ANKFN1: variants seen among roughly 807,000 people sequenced by gnomAD.
The protein encoded by ANKFN1 is ankyrin repeat and fibronectin type III domain containing 1.
In ANKFN1, 74 loss-of-function variants were observed where a neutral mutation model predicts 108.7. The observed-to-expected ratio is 0.68, with a 90% CI of 0.56 to 0.83. The LOEUF (loss-of-function observed/expected upper bound fraction) is 0.83, where lower values mean the gene tolerates loss of function less well. ANKFN1 is among the 40% of genes least tolerant of loss of function. The pLI is 0.00. For synonymous variants in ANKFN1, 547 were observed against 516.2 expected (o/e 1.06, Z -0.81); for missense variants, 1,505 against 1,382.3 (o/e 1.09, Z -1.41).
chr17:56,408,548 T>C (rs2047991711), intron 8 of ANKFN1, among the ~76,000 whole-genome samples: 1 of 152,218 alleles, frequency 6.6e-6, no homozygotes, highest in Non-Finnish European at 1.5e-5. Flanking sequence ...ATCAGATTCT[T>C]CATTCTCAAA....
At chr17:56,329,454 A>G (rs2045604548) in intron 4 of ANKFN1, among the ~76,000 whole-genome samples, 1 of 152,076 alleles carries the variant, frequency 6.6e-6, no homozygotes. Context: ...CCATTTTCCC[A>G]CAACCTCTTA....
chr17:56,097,119 C>T (rs1310901608), intron 4 of ANKFN1, among the ~76,000 whole-genome samples: 2 of 152,038 alleles, frequency 1.3e-5, no homozygotes, highest in African/African-American at 2.4e-5. Context: ...GGGTGAACAT[C>T]AAAAAACTAT....
chr17:56,078,184 A>G (rs1404241460), intron 4 of ANKFN1, among the ~76,000 whole-genome samples: 1 of 150,790 alleles, frequency 6.6e-6, no homozygotes, highest in Non-Finnish European at 1.5e-5. Flanking sequence ...CTTCATGCAT[A>G]TGTGATTTGA....
chr17:56,176,885 G>C (rs1373681884), intron 1 of ANKFN1, among the ~76,000 whole-genome samples: 3 of 152,148 alleles, frequency 2.0e-5, no homozygotes, highest in Admixed American at 6.5e-5. Flanking sequence ...CCTATCATTG[G>C]GAGTATGGAG....
intron 4 of ANKFN1, among the ~76,000 whole-genome samples, chr17:56,067,662 T>C (rs962436764): frequency 1.3e-5 from 2 of 152,256 alleles, no homozygotes; most frequent in Non-Finnish European, 2.9e-5. Context: ...TCTTCCTTAA[T>C]GCATAAGTAG....
chr17:56,278,450 G>A (rs545211698), intron 3 of ANKFN1, among the ~76,000 whole-genome samples: 28 of 152,270 alleles, frequency 1.8e-4, no homozygotes, highest in African/African-American at 6.7e-4. Context: ...ATATCTCTTT[G>A]AAGTCTCATT....
In ANKFN1 at chr17:56,516,869, A is replaced by G. The variant is rs930746689; in HGVS notation, c.*5600A>G. On this transcript the variant is annotated 3_prime_UTR_variant, in exon 21 of 21. Coordinates refer to ENST00000682825, the MANE Select transcript of ANKFN1 (RefSeq NM_001370326.1). Reference sequence around the variant, plus strand: ...TTAATTATACTTTATGTCTTACCTAATATTGTTGATATCTAAGTCAAGCAT... The same window carrying G: ...TTAATTATACTTTATGTCTTACCTAGTATTGTTGATATCTAAGTCAAGCAT... Among the ~76,000 whole-genome samples, 4 of 152,198 alleles carry G rather than the reference A, an allele frequency of 2.6e-5. No individual in the cohort carries two copies. Among genetic ancestry groups the G allele is most frequent in the Non-Finnish European group, 4.4e-5 (3 of 68,026 alleles).
At position 56,514,713 on chromosome 17, in the gene ANKFN1, C is replaced by T. The variant is rs1017222786; in HGVS notation, c.*3444C>T. ...GTTTCATTTGGTTTGAAAATTGAAG[C>T]AAGTTAGTAATAATATTTCGCCAGT... On this transcript the variant is annotated 3_prime_UTR_variant, in exon 21 of 21. Coordinates refer to ENST00000682825, the MANE Select transcript of ANKFN1 (RefSeq NM_001370326.1). Among the ~76,000 whole-genome samples the T allele has an allele frequency of 6.6e-6, 1 of 152,104 alleles. No individual in the cohort carries two copies. The highest frequency in any genetic ancestry group is 6.5e-5 in the Admixed American group (1 of 15,274).
At chr17:56,370,091 C>T (rs2046769674) in intron 6 of ANKFN1, among the ~76,000 whole-genome samples, 2 of 152,040 alleles carry the variant, frequency 1.3e-5, no homozygotes. Flanking sequence ...CATTGCACCC[C>T]CTACTTCACC....
At chr17:56,140,462 G>A (rs947050632) in intron 4 of ANKFN1, among the ~76,000 whole-genome samples, 3 of 152,038 alleles carry the variant, frequency 2.0e-5, no homozygotes, top group African/African-American at 7.3e-5. Flanking sequence ...TCTCACTAGT[G>A]GCCTGCCATC....
chr17:56,105,141 C>G (rs533124318), intron 4 of ANKFN1, among the ~76,000 whole-genome samples: 3 of 152,210 alleles, frequency 2.0e-5, no homozygotes, highest in East Asian at 3.9e-4. Flanking sequence ...GGTAGATGAA[C>G]CTGGGTAGCA....
At chr17:56,262,405 G>C (rs982850302) in intron 3 of ANKFN1, among the ~76,000 whole-genome samples, 7 of 152,188 alleles carry the variant, frequency 4.6e-5, no homozygotes, top group African/African-American at 1.4e-4. Flanking sequence ...TGTCGTCAAG[G>C]CTCGTTAAAG....
At chr17:56,304,483 T>C (rs2144390596) in intron 3 of ANKFN1, among the ~76,000 whole-genome samples, 1 of 152,286 alleles carries the variant, frequency 6.6e-6, no homozygotes. Flanking sequence ...CAAACCAAAG[T>C]CCTTATTTCT....
intron 11 of ANKFN1, 135 bp downstream of exon 11, chr17:56,449,321 T>G: frequency 1.8e-6 from 1 of 562,200 alleles, no homozygotes; most frequent in Non-Finnish European, 3.0e-6. Flanking sequence ...CTGGAATCAC[T>G]TTACAGCACT....
chr17:56,157,824 T>C (rs561962247), intron 1 of ANKFN1, among the ~76,000 whole-genome samples: 1 of 152,326 alleles, frequency 6.6e-6, no homozygotes, highest in South Asian at 2.1e-4. Context: ...CTTCACTTGA[T>C]TGGATACGTG....
intron 6 of ANKFN1, among the ~76,000 whole-genome samples, chr17:56,357,509 T>C (rs910684276): frequency 2.4e-4 from 37 of 152,350 alleles, no homozygotes; most frequent in Admixed American, 1.2e-3. Flanking sequence ...TCTGGGCCCC[T>C]GCATCTCTCC....
chr17:56,138,776 G>A (rs1448499858), intron 4 of ANKFN1, among the ~76,000 whole-genome samples: 1 of 151,982 alleles, frequency 6.6e-6, no homozygotes, highest in Non-Finnish European at 1.5e-5. Context: ...CTCCCAAAGT[G>A]CTAGGATTAT....
In ANKFN1 at chr17:56,468,359, C is replaced by T. The variant is rs543513662; in HGVS notation, c.1773+1788C>T. Reference sequence around the variant, plus strand: ...CCCATGTATGCTCCTGAGTCCAGCACGCTCTCTCTGCCTCACACATTCTTT... The same window carrying T: ...CCCATGTATGCTCCTGAGTCCAGCATGCTCTCTCTGCCTCACACATTCTTT... On this transcript the variant is annotated intron_variant, in intron 15 of 20. Transcript: ENST00000682825. 4.6e-5 allele frequency among the ~76,000 whole-genome samples: 7 copies of T among 152,246 alleles called. 1 individual carries two copies. The East Asian group carries it at 1.2e-3, about 25-fold the overall frequency.
At chr17:56,478,506 G>A (rs2050586774) in intron 16 of ANKFN1, among the ~76,000 whole-genome samples, 1 of 152,104 alleles carries the variant, frequency 6.6e-6, no homozygotes, top group East Asian at 1.9e-4. Context: ...TGGAAGAAAA[G>A]AAGTAACAAG....
Sources: gnomAD v4.1 joint callset for allele counts (sites outside exome capture counted in the v4.1 genomes callset) on GRCh38, gnomAD v4.1.1 for gene constraint, MANE v1.5 for transcripts, NCBI Gene and HGNC (gene_info 2026-07-23, HGNC 2026-07-21) for gene names.